The following FBXW7 variants were observed in gnomAD, a reference collection of about 807,000 sequenced individuals.
The protein encoded by FBXW7 is F-box/WD repeat-containing protein 7.
In FBXW7, 11 loss-of-function variants were observed where a neutral mutation model predicts 86.3. The ratio of observed to expected loss-of-function variants is 0.13; its 90% confidence interval spans 0.08 to 0.21. The LOEUF (loss-of-function observed/expected upper bound fraction) is 0.21. Among genes scored for constraint, FBXW7 ranks in the 10% least tolerant of loss-of-function variants. The pLI, the probability that FBXW7 is intolerant of heterozygous loss-of-function variation, is 1.00. For missense variants in FBXW7, 488 were observed against 847.4 expected (o/e 0.58, Z 5.27); for synonymous variants, 313 against 297.9 (o/e 1.05, Z -0.52).
At chr4:152,513,430 G>A (rs1229585349) in intron 2 of FBXW7, among the ~76,000 whole-genome samples, 1 of 152,138 alleles carries the variant, frequency 6.6e-6, no homozygotes, top group African/African-American at 2.4e-5. Context: ...TCCACTCACA[G>A]AGACCCTATT....
At chr4:152,506,843 T>C (rs565573993) in intron 2 of FBXW7, among the ~76,000 whole-genome samples, 2 of 152,358 alleles carry the variant, frequency 1.3e-5, no homozygotes, top group South Asian at 4.1e-4. Context: ...GATACTATAC[T>C]AGCAGGGGAC....
At chr4:152,527,268 T>G (rs1243947526) in intron 2 of FBXW7, among the ~76,000 whole-genome samples, 1 of 152,258 alleles carries the variant, frequency 6.6e-6, no homozygotes, top group Admixed American at 6.5e-5. Context: ...GAATGCATAT[T>G]ATGAATGTAT....
At chr4:152,361,331 ACTT>A (rs1302017027) in intron 4 of FBXW7, among the ~76,000 whole-genome samples, 2 of 152,194 alleles carry the variant, frequency 1.3e-5, no homozygotes, top group African/African-American at 4.8e-5. Flanking sequence ...ATTTTAAAGT[ACTT>A]CCTATATACA....
chr4:152,332,665 G>T lies in FBXW7; in HGVS notation c.916C>A (p.Gln306Lys). 1 of 1,605,460 alleles carries T rather than the reference G, an allele frequency of 6.2e-7. No individual in the cohort carries two copies. The highest frequency in any genetic ancestry group is 1.1e-5 in the South Asian group (1 of 90,600). Residue 306 changes from glutamine to lysine, a missense_variant, in exon 8 of 14, where the codon CAG becomes AAG. Coordinates refer to ENST00000281708, the MANE Select transcript of FBXW7 (RefSeq NM_001349798.2). ...AAAATTCTCCAGTAGCGACATGTCT[G>T]AGCTGCTTGTAGCAGGTCTTTGGGT... ...LEPKDLLQAA[Q>K]TCRYWRILAE...
chr4:152,493,337 G>C (rs1208998141), intron 2 of FBXW7, among the ~76,000 whole-genome samples: 1 of 151,904 alleles, frequency 6.6e-6, no homozygotes, highest in Non-Finnish European at 1.5e-5. Flanking sequence ...GCTTATTTTT[G>C]TATCTTTAGC....
chr4:152,473,724 C>CT (rs923229758), intron 2 of FBXW7, among the ~76,000 whole-genome samples: 3 of 152,058 alleles, frequency 2.0e-5, no homozygotes, highest in African/African-American at 7.2e-5. Flanking sequence ...TTAAGTCAGT[C>CT]TAACTCCACA....
intron 4 of FBXW7, among the ~76,000 whole-genome samples, chr4:152,396,533 T>C (rs1174588428): frequency 6.6e-6 from 1 of 152,060 alleles, no homozygotes; most frequent in Non-Finnish European, 1.5e-5. Flanking sequence ...GACACAATAA[T>C]GGATGTCTTC....
intron 11 of FBXW7, among the ~76,000 whole-genome samples, chr4:152,326,995 G>T (rs910908382): frequency 1.3e-5 from 2 of 151,920 alleles, no homozygotes; most frequent in African/African-American, 4.8e-5. Flanking sequence ...CAACATCAGC[G>T]CTATACTCTT....
At chr4:152,465,699 C>T (rs915140540) in intron 2 of FBXW7, among the ~76,000 whole-genome samples, 1 of 151,910 alleles carries the variant, frequency 6.6e-6, no homozygotes, top group Non-Finnish European at 1.5e-5. Context: ...CAAAAATTAG[C>T]CGGGCATGAT....
intron 2 of FBXW7, among the ~76,000 whole-genome samples, chr4:152,415,847 T>C (rs555018726): frequency 6.6e-6 from 1 of 152,196 alleles, no homozygotes; most frequent in South Asian, 2.1e-4. Context: ...TTTTATTTCT[T>C]TTACTTCCTT....
chr4:152,454,486 G>A (rs1742224476), intron 2 of FBXW7, among the ~76,000 whole-genome samples: 1 of 151,850 alleles, frequency 6.6e-6, no homozygotes, highest in Non-Finnish European at 1.5e-5. Flanking sequence ...TATAGCATCA[G>A]ACATAGGAGC....
At position 152,371,114 on chromosome 4, in the gene FBXW7, C is replaced by T. The variant is rs1283716565; in HGVS notation, c.502-20990G>A. On this transcript the variant is annotated intron_variant, in intron 4 of 13. Coordinates refer to ENST00000281708, the MANE Select transcript of FBXW7 (RefSeq NM_001349798.2). ...TTACCAAAAATGCTGGGCCTTTCCA[C>T]TATTATTTCTATAGTAAAATTAATA... 2.6e-5 allele frequency among the ~76,000 whole-genome samples: 4 copies of T among 151,866 alleles called. No homozygotes were observed. In the East Asian group the frequency reaches 7.7e-4, roughly 29 times the overall value.
At chr4:152,487,365 G>A (rs964092429) in intron 2 of FBXW7, among the ~76,000 whole-genome samples, 4 of 151,842 alleles carry the variant, frequency 2.6e-5, no homozygotes, top group Non-Finnish European at 5.9e-5. Flanking sequence ...CATAAATAAT[G>A]GACCAAACTA....
At chr4:152,392,546 G>T (rs1004904104) in intron 4 of FBXW7, among the ~76,000 whole-genome samples, 2 of 152,114 alleles carry the variant, frequency 1.3e-5, no homozygotes, top group Non-Finnish European at 2.9e-5. Flanking sequence ...TGATCTGACT[G>T]CCACCCAGAG....
chr4:152,447,774 A>G (rs1240605189), intron 2 of FBXW7, among the ~76,000 whole-genome samples: 3 of 152,226 alleles, frequency 2.0e-5, no homozygotes, highest in Non-Finnish European at 4.4e-5. Flanking sequence ...AAACAACTGC[A>G]GTACAACTCA....
chr4:152,374,876 C>T (rs190661234), intron 4 of FBXW7, among the ~76,000 whole-genome samples: 2 of 151,054 alleles, frequency 1.3e-5, no homozygotes, highest in East Asian at 3.9e-4. Context: ...ACCAAATAGA[C>T]TAGTTACAGG....
intron 2 of FBXW7, among the ~76,000 whole-genome samples, chr4:152,499,704 T>C (rs925505293): frequency 1.3e-5 from 2 of 152,098 alleles, no homozygotes; most frequent in African/African-American, 4.8e-5. Flanking sequence ...CACGCAGCCA[T>C]GCCCAAAACA....
chr4:152,458,539 G>A (rs1452285438), intron 2 of FBXW7, among the ~76,000 whole-genome samples: 1 of 152,150 alleles, frequency 6.6e-6, no homozygotes, highest in East Asian at 1.9e-4. Context: ...AACACATCTA[G>A]GCTCTAGGTC....
At chr4:152,530,444 A>G (rs1255197002) in intron 2 of FBXW7, 1 of 152,174 alleles carries the variant, frequency 6.6e-6, no homozygotes, top group Non-Finnish European at 1.5e-5. Context: ...CTTTACAGAT[A>G]CTTTTGGCCA....
Sources: gnomAD v4.1 joint callset for allele counts (sites outside exome capture counted in the v4.1 genomes callset) on GRCh38, gnomAD v4.1.1 for gene constraint, MANE v1.5 for transcripts, NCBI Gene and HGNC (gene_info 2026-07-23, HGNC 2026-07-21) for gene names.